Variants in RBKS observed in about 807,000 individuals in gnomAD.
RBKS encodes ribokinase.
Under a neutral mutation model 33.9 loss-of-function variants are expected in RBKS, and 33 were observed. The observed-to-expected ratio is 0.97, with a 90% confidence interval of 0.74 to 1.30. RBKS has a LOEUF of 1.30. RBKS is among the 50% of genes most tolerant of loss of function. The pLI, the probability that RBKS is intolerant of heterozygous loss-of-function variation, is 0.00. For synonymous variants in RBKS, 125 were observed against 143.0 expected (o/e 0.87, Z 0.90); for missense variants, 361 against 392.6 (o/e 0.92, Z 0.68).
chr2:27,889,521 T>C (rs1664656886), intron 1 of RBKS, among the ~76,000 whole-genome samples: 2 of 152,182 alleles, frequency 1.3e-5, no homozygotes, highest in Admixed American at 6.5e-5. Flanking sequence ...TCAGAAAAGC[T>C]ACCTTAATTT....
chr2:27,810,512 T>C lies in RBKS; in HGVS notation c.795+17055A>G, dbSNP rs1677969798. ...TGTAAGTTATACAGGCATCTTTCTG[T>C]GCTATCTGCAGAGAATCACTGATGA... On this transcript the variant is annotated intron_variant, in intron 7 of 7. Transcript: ENST00000302188. This position sits in a 1 kb window ranked among gnomAD's most constrained non-coding sequence, Gnocchi z 4.4. 1.3e-5 allele frequency among the ~76,000 whole-genome samples: 2 copies of C among 152,180 alleles called. No individual in the cohort carries two copies. Among genetic ancestry groups the C allele is most frequent in the Admixed American group, 6.5e-5 (1 of 15,284 alleles).
chr2:27,836,903 G>A (rs945618371), intron 5 of RBKS, among the ~76,000 whole-genome samples: 1 of 152,110 alleles, frequency 6.6e-6, no homozygotes, highest in Non-Finnish European at 1.5e-5. Context: ...ACTACTCATC[G>A]TTTCACTCAT....
chr2:27,807,479 C>G (rs1469676424), intron 7 of RBKS, among the ~76,000 whole-genome samples: 1 of 152,142 alleles, frequency 6.6e-6, no homozygotes, highest in African/African-American at 2.4e-5. Context: ...TCCCCGGACT[C>G]AAACGATCCT....
chr2:27,876,753 T>TA (rs1664323001), intron 1 of RBKS, among the ~76,000 whole-genome samples: 2 of 152,074 alleles, frequency 1.3e-5, no homozygotes, highest in African/African-American at 4.8e-5. Flanking sequence ...GTGATGTTTG[T>TA]AAAAAAATGT....
intron 2 of RBKS, among the ~76,000 whole-genome samples, chr2:27,853,785 C>T (rs552186064): frequency 6.6e-6 from 1 of 152,284 alleles, no homozygotes; most frequent in South Asian, 2.1e-4. Context: ...CCATTTCTTC[C>T]TATACAAGGT....
intron 7 of RBKS, among the ~76,000 whole-genome samples, chr2:27,786,525 A>G (rs754995851): frequency 4.6e-4 from 70 of 152,252 alleles, no homozygotes; most frequent in Non-Finnish European, 5.7e-4. Context: ...GCTCATGCCT[A>G]TAATACCAGC....
intron 7 of RBKS, among the ~76,000 whole-genome samples, chr2:27,808,888 A>G (rs1352773969): frequency 2.0e-5 from 3 of 152,214 alleles, no homozygotes; most frequent in African/African-American, 4.8e-5. Context: ...GGTAATCTTC[A>G]GCCATCTCTG....
At chr2:27,824,442 C>T (rs142104581) in intron 7 of RBKS, among the ~76,000 whole-genome samples, 98 of 152,272 alleles carry the variant, frequency 6.4e-4, no homozygotes, top group African/African-American at 1.9e-3. Context: ...ATGGATTGAT[C>T]TATTCTGAAT....
intron 2 of RBKS, among the ~76,000 whole-genome samples, chr2:27,853,650 C>G (rs1663793995): frequency 6.6e-6 from 1 of 152,026 alleles, no homozygotes. Context: ...AGAGTGAGAT[C>G]CTGTCTCAGA....
intron 1 of RBKS, among the ~76,000 whole-genome samples, chr2:27,865,546 T>C (rs1198120704): frequency 6.6e-6 from 1 of 151,360 alleles, no homozygotes; most frequent in South Asian, 2.1e-4. Context: ...TTGTGTGTTA[T>C]ATTCTACCTT....
In RBKS at chr2:27,890,248, C is replaced by G. The variant is rs1355854840; in HGVS notation, c.89+9G>C. The G allele has an allele frequency of 2.5e-6, 4 of 1,612,692 alleles. No homozygotes were observed. Among genetic ancestry groups the G allele is most frequent in the Non-Finnish European group, 2.5e-6 (3 of 1,179,554 alleles). On this transcript the variant is annotated intron_variant, in intron 1 of 7. Transcript: ENST00000302188. This position sits in a 1 kb window ranked among gnomAD's most constrained non-coding sequence, Gnocchi z 4.8. ...GAGCCGCAGACTGAGTAACTGGCCC[C>G]GGACTAACCTGACCAGGTCGGTCAT...
chr2:27,847,319 G>A (rs907798443), intron 3 of RBKS, among the ~76,000 whole-genome samples: 3 of 152,094 alleles, frequency 2.0e-5, no homozygotes, highest in Admixed American at 6.6e-5. Flanking sequence ...CCTTTTCTCT[G>A]CATTAGTAAC....
At chr2:27,843,023 C>T (rs762975230) in intron 5 of RBKS, 44 bp downstream of exon 5, 22 of 1,431,232 alleles carry the variant, frequency 1.5e-5, no homozygotes, top group East Asian at 7.3e-5. Context: ...ATTAAGACAG[C>T]GATAAAAGCT....
chr2:27,811,748 C>T (rs1677989360), intron 7 of RBKS, among the ~76,000 whole-genome samples: 1 of 152,094 alleles, frequency 6.6e-6, no homozygotes, highest in Non-Finnish European at 1.5e-5. Flanking sequence ...AAAGAGAGTT[C>T]TAAAAACTAG....
intron 4 of RBKS, among the ~76,000 whole-genome samples, chr2:27,844,263 G>GAAAAAAAAAAAA (rs1348408045): frequency 1.2e-5 from 1 of 84,102 alleles, no homozygotes. Flanking sequence ...CTCTGTCTCA[G>GAAAAAAAAAAAA]AAAAAAAAAA....
chr2:27,808,985 C>T (rs1162121135), intron 7 of RBKS, among the ~76,000 whole-genome samples: 1 of 152,168 alleles, frequency 6.6e-6, no homozygotes, highest in Non-Finnish European at 1.5e-5. Flanking sequence ...TTTGTTTTTT[C>T]ACATTTCTTG....
intron 7 of RBKS, among the ~76,000 whole-genome samples, chr2:27,808,145 G>A (rs1041208443): frequency 3.3e-5 from 5 of 152,182 alleles, no homozygotes; most frequent in Admixed American, 6.6e-5. Context: ...ATCAATAAGC[G>A]GTTGAGTGCA....
At chr2:27,808,811 A>G (rs1202955694) in intron 7 of RBKS, among the ~76,000 whole-genome samples, 1 of 152,244 alleles carries the variant, frequency 6.6e-6, no homozygotes, top group Non-Finnish European at 1.5e-5. Flanking sequence ...CAGAACAGAC[A>G]TGCCTGATCC....
chr2:27,852,577 G>A (rs548659812), intron 2 of RBKS, among the ~76,000 whole-genome samples: 1 of 152,292 alleles, frequency 6.6e-6, no homozygotes, highest in Non-Finnish European at 1.5e-5. Context: ...TTTGCAAAAT[G>A]ACTGAGGAAT....
Sources: gnomAD v4.1 joint callset for allele counts (sites outside exome capture counted in the v4.1 genomes callset) on GRCh38, gnomAD v4.1.1 for gene constraint, Gnocchi (gnomAD v3.1) non-coding constraint, MANE v1.5 for transcripts, NCBI Gene and HGNC (gene_info 2026-07-23, HGNC 2026-07-21) for gene names.